RBFOX1: variants seen among roughly 807,000 people sequenced by gnomAD.
RBFOX1 encodes the protein RNA binding fox-1 homolog 1, also known as RNA binding protein fox-1 homolog 1.
In RBFOX1, 8 loss-of-function variants were observed where a neutral mutation model predicts 57.7. The ratio of observed to expected loss-of-function variants is 0.14; its 90% CI spans 0.08 to 0.25. RBFOX1 has a LOEUF of 0.25. Ranked by LOEUF, RBFOX1 falls within the 10% of genes least tolerant of loss-of-function variation. RBFOX1 has a pLI of 1.00. For missense variants in RBFOX1, 611 were observed against 548.5 expected (o/e 1.11, Z -1.14); for synonymous variants, 326 against 222.4 (o/e 1.47, Z -4.15).
intron 1 of RBFOX1, among the ~76,000 whole-genome samples, chr16:6,079,432 C>G (rs1021271793): frequency 3.3e-5 from 5 of 152,192 alleles, no homozygotes; most frequent in African/African-American, 9.7e-5. Context: ...CTACTTCAGC[C>G]TCCTGAGTAG....
chr16:6,447,556 C>T (rs536697326), intron 2 of RBFOX1, among the ~76,000 whole-genome samples: 5 of 152,292 alleles, frequency 3.3e-5, no homozygotes, highest in Admixed American at 6.5e-5. Context: ...ATCAGAGTGC[C>T]TGTTTTTAGA....
intron 2 of RBFOX1, among the ~76,000 whole-genome samples, chr16:6,554,966 A>G (rs1388767721): frequency 6.6e-6 from 1 of 152,172 alleles, no homozygotes; most frequent in Non-Finnish European, 1.5e-5. Context: ...GCCTGAGTAC[A>G]TCCAGGTTCT....
In RBFOX1 at chr16:7,174,702, C is replaced by T. The variant is rs550266858; in HGVS notation, c.27+122604C>T. Among the ~76,000 whole-genome samples the T allele has an allele frequency of 3.9e-5, 6 of 152,274 alleles. No individual in the cohort carries two copies. The South Asian group carries it at 6.2e-4, about 16-fold the overall frequency. On this transcript the variant is annotated intron_variant, in intron 4 of 15. Coordinates refer to ENST00000550418, the MANE Select transcript of RBFOX1 (RefSeq NM_018723.4). ...GTCTGAGGCAGGAGAATCACTTGAA[C>T]GCGAGAGGCGGAGATTGCAGTGAGC...
At chr16:7,041,606 C>G (rs2046212829) in intron 3 of RBFOX1, among the ~76,000 whole-genome samples, 1 of 152,122 alleles carries the variant, frequency 6.6e-6, no homozygotes, top group South Asian at 2.1e-4. Context: ...TAACTGCCAG[C>G]TGCCCCCTCG....
chr16:6,888,231 AGAAAT>A (rs1302354086), intron 3 of RBFOX1, among the ~76,000 whole-genome samples: 2 of 152,210 alleles, frequency 1.3e-5, no homozygotes, highest in African/African-American at 4.8e-5. Flanking sequence ...ACCAATGAAA[AGAAAT>A]GAAAAGAAAA....
chr16:6,613,003 ATGTGTGTG>A (rs57236292), intron 2 of RBFOX1, among the ~76,000 whole-genome samples: 37,504 of 142,866 alleles, frequency 0.26, 4,887 homozygotes, highest in Non-Finnish European at 0.29. Context: ...CAGTCCCAGC[ATGTGTGTG>A]TGTGTGTGTG....
intron 1 of RBFOX1, among the ~76,000 whole-genome samples, chr16:6,217,023 G>T (rs2097339966): frequency 6.6e-6 from 1 of 152,140 alleles, no homozygotes; most frequent in Non-Finnish European, 1.5e-5. Context: ...AAGTTCAAAA[G>T]AAAGCCCTCT....
In RBFOX1 at chr16:5,475,988, G is replaced by T. The variant is rs374770198; in HGVS notation, c.258+8734G>T. 3.3e-5 allele frequency among the ~76,000 whole-genome samples: 5 copies of T among 152,026 alleles called. No homozygotes were observed. The East Asian group carries it at 7.7e-4, about 23-fold the overall frequency. ...TTGCTCCTCTGTCAGAATTACTGCT[G>T]CCAAGTGTACGTGGCTTTGAAAAAT... On this transcript the variant is annotated intron_variant, in intron 2 of 2. Transcript: ENST00000585867.
At chr16:5,558,440 G>A (rs903222732) in intron 2 of RBFOX1, among the ~76,000 whole-genome samples, 2 of 152,004 alleles carry the variant, frequency 1.3e-5, no homozygotes, top group Non-Finnish European at 2.9e-5. Flanking sequence ...CTGAAGGAGC[G>A]AGCCACAGCC....
chr16:5,321,801 G>C (rs1167223371), intron 1 of RBFOX1, among the ~76,000 whole-genome samples: 1 of 152,126 alleles, frequency 6.6e-6, no homozygotes, highest in Non-Finnish European at 1.5e-5. Context: ...TGTGGCGTCT[G>C]TGACTCTCAT....
intron 2 of RBFOX1, among the ~76,000 whole-genome samples, chr16:6,612,663 C>G (rs978679903): frequency 5.3e-5 from 8 of 151,704 alleles, no homozygotes; most frequent in Non-Finnish European, 7.4e-5. Flanking sequence ...ATCAGCCTGG[C>G]CAACATGACA....
intron 2 of RBFOX1, among the ~76,000 whole-genome samples, chr16:6,382,404 G>A (rs1017228533): frequency 2.6e-5 from 4 of 152,198 alleles, no homozygotes; most frequent in African/African-American, 9.7e-5. Flanking sequence ...GTGGGTAAAG[G>A]AATGGTACTG....
intron 4 of RBFOX1, among the ~76,000 whole-genome samples, chr16:7,085,636 A>G (rs1292446547): frequency 1.3e-5 from 2 of 152,236 alleles, no homozygotes; most frequent in South Asian, 2.1e-4. Flanking sequence ...TTTTTCCCTA[A>G]GTTTTCCTAT....
chr16:6,095,708 AG>A (rs1351962003), intron 1 of RBFOX1, among the ~76,000 whole-genome samples: 1 of 151,492 alleles, frequency 6.6e-6, no homozygotes, highest in Non-Finnish European at 1.5e-5. Flanking sequence ...GGAAAGAAAA[AG>A]AAAAAAAAAA....
intron 4 of RBFOX1, among the ~76,000 whole-genome samples, chr16:7,480,569 C>A (rs1039873991): frequency 6.6e-6 from 1 of 152,208 alleles, no homozygotes; most frequent in Non-Finnish European, 1.5e-5. Flanking sequence ...AGCCCTGTCT[C>A]CATCACCTCC....
At chr16:6,656,492 A>T (rs371554943) in intron 3 of RBFOX1, among the ~76,000 whole-genome samples, 1 of 152,016 alleles carries the variant, frequency 6.6e-6, no homozygotes, top group African/African-American at 2.4e-5. Context: ...GATGATGGCA[A>T]CTGCCCTGGT....
chr16:7,664,439 C>G, intron 12 of RBFOX1, among the ~76,000 whole-genome samples: 1 of 152,164 alleles, frequency 6.6e-6, no homozygotes, highest in East Asian at 1.9e-4. Context: ...TATGTGTTGT[C>G]CACCTCACCT....
At chr16:6,560,393 G>T (rs1294633659) in intron 2 of RBFOX1, among the ~76,000 whole-genome samples, 2 of 151,012 alleles carry the variant, frequency 1.3e-5, no homozygotes, top group Admixed American at 6.6e-5. Flanking sequence ...GGCCAGTGTG[G>T]GCCTTACTGT....
At chr16:7,182,761 T>C (rs2082973985) in intron 4 of RBFOX1, among the ~76,000 whole-genome samples, 6 of 152,130 alleles carry the variant, frequency 3.9e-5, no homozygotes, top group Non-Finnish European at 8.8e-5. Flanking sequence ...CCCATCAGAT[T>C]TGCCTCACCC....
Sources: gnomAD v4.1 joint callset for allele counts (sites outside exome capture counted in the v4.1 genomes callset) on GRCh38, gnomAD v4.1.1 for gene constraint, MANE v1.5 for transcripts, NCBI Gene and HGNC (gene_info 2026-07-23, HGNC 2026-07-21) for gene names.